PTK2: variants seen among roughly 807,000 people sequenced by gnomAD.
PTK2 encodes focal adhesion kinase 1.
In PTK2, 45 loss-of-function variants were observed where a neutral mutation model predicts 150.1. That is an observed-to-expected ratio of 0.30 (90% CI 0.24 to 0.38). PTK2 has a LOEUF of 0.38. Among genes scored for constraint, PTK2 ranks in the 10% least tolerant of loss-of-function variants. The pLI, the probability that PTK2 is intolerant of heterozygous loss-of-function variation, is 1.00. For synonymous variants in PTK2, 432 were observed against 449.2 expected (o/e 0.96, Z 0.48); for missense variants, 919 against 1,307.3 (o/e 0.70, Z 4.58).
intron 1 of PTK2, among the ~76,000 whole-genome samples, chr8:140,989,611 TA>T (rs1222499643): frequency 6.6e-6 from 1 of 151,486 alleles, no homozygotes; most frequent in Non-Finnish European, 1.5e-5. Flanking sequence ...AAATTTATTT[TA>T]AAAAGTGCAA....
chr8:140,836,057 A>C (rs2100118489), intron 7 of PTK2, among the ~76,000 whole-genome samples: 1 of 151,884 alleles, frequency 6.6e-6, no homozygotes, highest in Non-Finnish European at 1.5e-5. Context: ...AACTGGAATA[A>C]CTGGGTAAAT....
rs535816008 is a variant in PTK2 at position 140,729,713 on chromosome 8, C to T, written c.2030+5538G>A. On this transcript the variant is annotated intron_variant, in intron 22 of 31. Coordinates refer to ENST00000522684, the Ensembl canonical transcript of PTK2. ...CTAACCAATATTAACAACCTGCTCA[C>T]CAGTCCAAATCATAAGATGGCAGGC... Among the ~76,000 whole-genome samples, 4 of 152,270 alleles carry T rather than the reference C, an allele frequency of 2.6e-5. No individual in the cohort carries two copies. The East Asian group carries it at 7.7e-4, about 29-fold the overall frequency.
chr8:140,831,888 G>C (rs894795976), intron 7 of PTK2, among the ~76,000 whole-genome samples: 1 of 152,112 alleles, frequency 6.6e-6, no homozygotes. Context: ...TAAAAACACA[G>C]GGTCTTTGCA....
At chr8:140,873,497 G>A (rs1023540507) in intron 4 of PTK2, among the ~76,000 whole-genome samples, 2 of 151,746 alleles carry the variant, frequency 1.3e-5, no homozygotes, top group African/African-American at 4.9e-5. Flanking sequence ...ACGGAGTCTC[G>A]CTCTGTCGCC....
At chr8:140,676,140 G>GTCAAAATGGGCGA (rs567610501) in intron 27 of PTK2, among the ~76,000 whole-genome samples, 134 of 152,320 alleles carry the variant, frequency 8.8e-4, no homozygotes, top group African/African-American at 3.1e-3. Flanking sequence ...ACTCTGGGAG[G>GTCAAAATGGGCGA]TCAAAATGGG....
chr8:140,990,020 A>T (rs975311133), intron 1 of PTK2, among the ~76,000 whole-genome samples: 4 of 152,154 alleles, frequency 2.6e-5, no homozygotes, highest in Non-Finnish European at 5.9e-5. Context: ...GAGACAGGTT[A>T]TAAGAGCAGA....
intron 2 of PTK2, chr8:140,921,284 A>T (rs970101511): frequency 8.0e-6 from 2 of 248,774 alleles, no homozygotes; most frequent in South Asian, 3.2e-4. Flanking sequence ...GCCAGTAGCC[A>T]GTAACTTATT....
At chr8:140,833,389 G>A (rs1000726908) in intron 7 of PTK2, among the ~76,000 whole-genome samples, 4 of 152,106 alleles carry the variant, frequency 2.6e-5, no homozygotes, top group African/African-American at 4.8e-5. Context: ...ATTTAATCTC[G>A]AAATCAAACT....
chr8:140,867,295 G>A (rs191947637), intron 4 of PTK2, among the ~76,000 whole-genome samples: 1 of 152,142 alleles, frequency 6.6e-6, no homozygotes, highest in Admixed American at 6.5e-5. Context: ...GATTCTGGGT[G>A]AGAAATAATA....
chr8:140,995,463 T>C (rs2100197320), intron 1 of PTK2, among the ~76,000 whole-genome samples: 1 of 151,444 alleles, frequency 6.6e-6, no homozygotes, highest in African/African-American at 2.4e-5. Context: ...CCTATCTCAC[T>C]TTAAATCGAA....
intron 30 of PTK2, 84 bp downstream of exon 34, chr8:140,668,185 G>C (rs367922689): frequency 7.9e-6 from 12 of 1,510,798 alleles, no homozygotes; most frequent in South Asian, 1.2e-5. Flanking sequence ...GGGGCGGGGG[G>C]ACCTAGAGAC....
intron 1 of PTK2, among the ~76,000 whole-genome samples, chr8:140,935,446 T>G (rs771734475): frequency 5.3e-5 from 8 of 152,092 alleles, no homozygotes; most frequent in Non-Finnish European, 1.0e-4. Flanking sequence ...GTATCCATGG[T>G]TCTCTGGCCT....
At chr8:140,922,645 A>G (rs993968315) in intron 2 of PTK2, among the ~76,000 whole-genome samples, 2 of 152,218 alleles carry the variant, frequency 1.3e-5, no homozygotes, top group African/African-American at 2.4e-5. Context: ...ACAAAATAAA[A>G]GCTACCTTCA....
intron 14 of PTK2, among the ~76,000 whole-genome samples, chr8:140,780,846 G>A (rs2100081259): frequency 1.3e-5 from 2 of 152,164 alleles, no homozygotes; most frequent in African/African-American, 4.8e-5. Context: ...AGTGGACAGA[G>A]GCAGAGGTGA....
At chr8:140,755,896 T>A (rs2100065404) in intron 16 of PTK2, among the ~76,000 whole-genome samples, 1 of 152,222 alleles carries the variant, frequency 6.6e-6, no homozygotes, top group South Asian at 2.1e-4. Flanking sequence ...TATTTGATTT[T>A]ACAGAATACT....
intron 1 of PTK2, among the ~76,000 whole-genome samples, chr8:140,998,971 T>A (rs1210560001): frequency 6.6e-6 from 1 of 152,174 alleles, no homozygotes; most frequent in Non-Finnish European, 1.5e-5. Flanking sequence ...CAGAAAACAT[T>A]TTAGTATAAA....
chr8:140,968,850 A>G (rs2100186229), intron 1 of PTK2, among the ~76,000 whole-genome samples: 1 of 152,222 alleles, frequency 6.6e-6, no homozygotes, highest in African/African-American at 2.4e-5. Context: ...GGATCTATCT[A>G]TAAGCCAAAT....
chr8:140,734,691 A>T (rs748797530), intron 22 of PTK2: 1 of 512,808 alleles, frequency 2.0e-6, no homozygotes, highest in Non-Finnish European at 3.9e-6. Flanking sequence ...ATAAAAACAG[A>T]AGTATTCAAA....
chr8:140,688,491 G>A (rs977991756), intron 26 of PTK2, among the ~76,000 whole-genome samples: 3 of 151,790 alleles, frequency 2.0e-5, no homozygotes, highest in Non-Finnish European at 2.9e-5. Context: ...GAGGTGGGAG[G>A]ACCCTTTGAG....
Sources: gnomAD v4.1 joint callset for allele counts (sites outside exome capture counted in the v4.1 genomes callset) on GRCh38, gnomAD v4.1.1 for gene constraint, MANE v1.5 for transcripts, NCBI Gene and HGNC (gene_info 2026-07-23, HGNC 2026-07-21) for gene names.